Variants in EYS observed in about 807,000 individuals in gnomAD.
The protein encoded by EYS is protein eyes shut homolog.
In EYS, 250 loss-of-function variants were observed where a neutral mutation model predicts 282.1. The ratio of observed to expected loss-of-function variants is 0.89; its 90% CI spans 0.80 to 0.98. The LOEUF (loss-of-function observed/expected upper bound fraction) is 0.98. Ranked by LOEUF, EYS falls within the 50% of genes least tolerant of loss-of-function variation. The pLI is 0.00. For synonymous variants in EYS, 1,355 were observed against 1,282.9 expected (o/e 1.06, Z -1.20); for missense variants, 4,016 against 3,709.0 (o/e 1.08, Z -2.15).
intron 36 of EYS, among the ~76,000 whole-genome samples, chr6:63,860,557 A>G (rs139515722): frequency 5.6e-4 from 86 of 152,376 alleles, no homozygotes; most frequent in African/African-American, 1.9e-3. Context: ...ATAAGATCTG[A>G]GTGAAATCAC....
At chr6:64,685,764 C>T (rs1770074171) in intron 22 of EYS, among the ~76,000 whole-genome samples, 1 of 152,150 alleles carries the variant, frequency 6.6e-6, no homozygotes, top group East Asian at 1.9e-4. Flanking sequence ...AAGAGACCCA[C>T]ACTCAGTATA....
rs567035261 is a variant in EYS, at chr6:64,767,699, G to C, written c.3443+45679C>G. ...TCGTTCATCTGTTGTTGGACACCTA[G>C]GTTGATTTCATATCTTGACTGTTGT... On this transcript the variant is annotated intron_variant, in intron 22 of 42. Transcript: ENST00000503581. 2.6e-5 allele frequency among the ~76,000 whole-genome samples: 4 copies of C among 152,186 alleles called. No homozygotes were observed. In the South Asian group the frequency reaches 8.3e-4, roughly 32 times the overall value.
chr6:65,481,541 G>GTTGTTTGTT (rs1235605104), intron 5 of EYS, among the ~76,000 whole-genome samples: 1 of 151,848 alleles, frequency 6.6e-6, no homozygotes, highest in Non-Finnish European at 1.5e-5. Context: ...TTTTTTGTTT[G>GTTGTTTGTT]TTGTTTGTTT....
chr6:64,204,912 G>A (rs146784439), intron 31 of EYS, among the ~76,000 whole-genome samples: 1 of 152,244 alleles, frequency 6.6e-6, no homozygotes, highest in African/African-American at 2.4e-5. Flanking sequence ...TAGGAGTGTA[G>A]TGGACTGAAA....
intron 12 of EYS, among the ~76,000 whole-genome samples, chr6:65,272,916 G>A (rs1767943502): frequency 6.6e-6 from 1 of 152,186 alleles, no homozygotes; most frequent in African/African-American, 2.4e-5. Flanking sequence ...CCATAAGCAT[G>A]TGTGCGATCA....
chr6:63,814,444 A>T (rs1211692233), intron 36 of EYS, among the ~76,000 whole-genome samples: 2 of 152,218 alleles, frequency 1.3e-5, no homozygotes, highest in Admixed American at 1.3e-4. Context: ...GTTGGTTGCC[A>T]ATTCCTGCTC....
rs1561994470 is a variant in EYS at position 63,721,803 on chromosome 6, A to G, written c.8234-6T>C. ...AGAGATGCATAAAAAATCACCTGCA[A>G]GAAAGCAAACAGTAAGTTTGATTAG... On this transcript the variant is annotated splice_polypyrimidine_tract_variant and splice_region_variant and intron_variant, in intron 42 of 42. Coordinates refer to ENST00000503581, the MANE Select transcript of EYS (RefSeq NM_001142800.2). 1 of 1,538,318 alleles carries G rather than the reference A, an allele frequency of 6.5e-7. No individual in the cohort carries two copies. The highest frequency in any genetic ancestry group is 8.8e-7 in the Non-Finnish European group (1 of 1,140,644).
At chr6:65,073,542 T>C (rs940692028) in intron 12 of EYS, among the ~76,000 whole-genome samples, 1 of 151,774 alleles carries the variant, frequency 6.6e-6, no homozygotes, top group Non-Finnish European at 1.5e-5. Context: ...TTGTATATAA[T>C]GCCTACAGGC....
chr6:65,614,939 AG>A (rs1414950883), intron 2 of EYS, among the ~76,000 whole-genome samples: 1 of 152,150 alleles, frequency 6.6e-6, no homozygotes, highest in Non-Finnish European at 1.5e-5. Context: ...CACACTACAA[AG>A]GCTAGTCCTT....
intron 1 of EYS, among the ~76,000 whole-genome samples, chr6:65,662,789 T>C (rs1363813169): frequency 1.3e-5 from 2 of 152,088 alleles, no homozygotes; most frequent in Admixed American, 1.3e-4. Flanking sequence ...AACAGTACTA[T>C]AGAGAAAAAA....
At chr6:63,860,093 T>C (rs1221710762) in intron 36 of EYS, among the ~76,000 whole-genome samples, 2 of 152,196 alleles carry the variant, frequency 1.3e-5, no homozygotes, top group East Asian at 3.8e-4. Flanking sequence ...TGCCTTTCTT[T>C]ATAAAATAAA....
chr6:64,946,238 G>A (rs1769285891), intron 14 of EYS, among the ~76,000 whole-genome samples: 1 of 151,854 alleles, frequency 6.6e-6, no homozygotes, highest in Admixed American at 6.6e-5. Context: ...GTCATATGAT[G>A]GTAGATGATG....
chr6:64,091,212 ATTTCAGTAATT>A (rs1772346121), intron 31 of EYS, among the ~76,000 whole-genome samples: 1 of 152,186 alleles, frequency 6.6e-6, no homozygotes, highest in Non-Finnish European at 1.5e-5. Context: ...GTCTTAAATC[ATTTCAGTAATT>A]TTATCTTTTG....
intron 36 of EYS, among the ~76,000 whole-genome samples, chr6:63,852,698 A>T (rs1772290861): frequency 6.6e-6 from 1 of 152,206 alleles, no homozygotes; most frequent in African/African-American, 2.4e-5. Flanking sequence ...ATTTCAGGCC[A>T]GTATCCCTGA....
chr6:64,953,045 A>G (rs968390766), intron 14 of EYS, among the ~76,000 whole-genome samples: 2 of 151,944 alleles, frequency 1.3e-5, no homozygotes, highest in Non-Finnish European at 2.9e-5. Flanking sequence ...TAACAAGAAA[A>G]AGACTTTTTT....
chr6:65,393,060 A>G (rs1766113431), intron 7 of EYS, among the ~76,000 whole-genome samples: 1 of 151,948 alleles, frequency 6.6e-6, no homozygotes. Context: ...TTCTCAGTAA[A>G]CTATGGCAAG....
chr6:64,509,715 T>C (rs1008485717), intron 26 of EYS, among the ~76,000 whole-genome samples: 2 of 152,178 alleles, frequency 1.3e-5, no homozygotes, highest in African/African-American at 4.8e-5. Context: ...CTCTCTATCA[T>C]ACAAAATAAT....
chr6:65,290,402 T>C (rs1768491217), intron 12 of EYS, among the ~76,000 whole-genome samples: 1 of 151,216 alleles, frequency 6.6e-6, no homozygotes, highest in African/African-American at 2.4e-5. Context: ...TTTATGACTA[T>C]ATTTTTTTCT....
intron 36 of EYS, among the ~76,000 whole-genome samples, chr6:63,837,475 G>A (rs912742708): frequency 6.6e-6 from 1 of 152,030 alleles, no homozygotes; most frequent in Non-Finnish European, 1.5e-5. Flanking sequence ...ACCCCAGAAA[G>A]GGGTAAAAAT....
Sources: gnomAD v4.1 joint callset for allele counts (sites outside exome capture counted in the v4.1 genomes callset) on GRCh38, gnomAD v4.1.1 for gene constraint, MANE v1.5 for transcripts, NCBI Gene and HGNC (gene_info 2026-07-23, HGNC 2026-07-21) for gene names.